PCM1: variants seen among roughly 807,000 people sequenced by gnomAD.
PCM1 encodes the protein pericentriolar material 1 protein.
Under a neutral mutation model 241.9 loss-of-function variants are expected in PCM1, and 157 were observed. The ratio of observed to expected loss-of-function variants is 0.65; its 90% CI spans 0.57 to 0.74. The LOEUF (loss-of-function observed/expected upper bound fraction) is 0.74. PCM1 is among the 30% of genes least tolerant of loss of function. The pLI is 0.00. For synonymous variants in PCM1, 1,085 were observed against 784.9 expected, an observed-to-expected ratio of 1.38 and a Z score of -6.39; for missense variants, 3,478 against 2,360.1, an observed-to-expected ratio of 1.47 and a Z score of -9.81.
intron 23 of PCM1, among the ~76,000 whole-genome samples, chr8:17,975,137 G>T (rs1253346072): frequency 6.6e-6 from 1 of 152,114 alleles, no homozygotes; most frequent in African/African-American, 2.4e-5. Context: ...GTACGTGAAA[G>T]TCTGAAAAGT....
intron 6 of PCM1, among the ~76,000 whole-genome samples, chr8:17,944,109 T>C (rs2063053827): frequency 1.3e-5 from 2 of 152,212 alleles, no homozygotes; most frequent in Admixed American, 1.3e-4. Flanking sequence ...TTAAAATTTA[T>C]AAGCTTTCTT....
Position 17,989,855 on chromosome 8 carries a change from T to C in PCM1, c.4411-4T>C. 6.5e-7 allele frequency: 1 copy of C among 1,527,980 alleles called. No homozygotes were observed. The highest frequency in any genetic ancestry group is 8.8e-7 in the Non-Finnish European group (1 of 1,130,678). 94.7% of individuals were successfully genotyped at this position (1,527,980 alleles called of 1,614,324 possible). On this transcript the variant is annotated splice_polypyrimidine_tract_variant and splice_region_variant and intron_variant, in intron 26 of 38. Coordinates refer to ENST00000325083, the MANE Select transcript of PCM1 (RefSeq NM_006197.4). ...TGATTTTTGTTTGTTTTACTGTAAC[T>C]TAGGAAACTTTTGAGAAGAACTTTG...
chr8:17,933,050 A>T (rs2059487128), intron 2 of PCM1, among the ~76,000 whole-genome samples: 1 of 152,096 alleles, frequency 6.6e-6, no homozygotes, highest in Non-Finnish European at 1.5e-5. Flanking sequence ...CTTAAGGAAG[A>T]CTGTTAAAGC....
Position 17,966,364 on chromosome 8 carries a change from C to T in PCM1, c.3112C>T (p.Pro1038Ser), listed in dbSNP as rs2074895445. 6.2e-7 allele frequency: 1 copy of T among 1,613,758 alleles called. No individual in the cohort carries two copies. Among genetic ancestry groups the T allele is most frequent in the Admixed American group, 1.7e-5 (1 of 60,026 alleles). ...TCTGCTACAAACTCTTCTCACGGGT[C>T]CTTACAGTGTTATGCCCAGCAATGT... is the stretch of plus-strand genomic sequence containing the variant. ...SCLLQTLLTG[P>S]YSVMPSNVAS... Residue 1038 changes from proline (P) to serine (S), a missense_variant, in exon 20 of 39, where the codon CCT (proline) becomes TCT (serine). Transcript: ENST00000325083.
At chr8:18,004,729 C>T (rs762824952) in intron 29 of PCM1, among the ~76,000 whole-genome samples, 19 of 152,200 alleles carry the variant, frequency 1.2e-4, no homozygotes, top group Non-Finnish European at 2.5e-4. Context: ...TTTATGTCAT[C>T]ACTAGTGAGT....
intron 36 of PCM1, among the ~76,000 whole-genome samples, chr8:18,018,865 T>TATATACACATATACATATAC (rs1564427251): frequency 3.0e-5 from 2 of 65,984 alleles, no homozygotes; most frequent in African/African-American, 1.2e-4. Context: ...TATATATATA[T>TATATACACATATACATATAC]ATATATATAT....
Position 17,948,558 on chromosome 8 carries a change from C to T in PCM1, c.961+1195C>T, listed in dbSNP as rs1036084335. 2.8e-4 allele frequency among the ~76,000 whole-genome samples: 42 copies of T among 152,032 alleles called. 1 individual carries two copies. Among genetic ancestry groups the T allele is most frequent in the Admixed American group, 6.5e-5 (1 of 15,270 alleles). ...GACCTTGTGATCTGCCCGCCTTGGC[C>T]TCCCAAAGTGCTGGGATTACAGGCG... On this transcript the variant is annotated intron_variant, in intron 7 of 38. Coordinates refer to ENST00000325083, the MANE Select transcript of PCM1 (RefSeq NM_006197.4).
At chr8:17,946,113 T>C (rs208769) in intron 6 of PCM1, among the ~76,000 whole-genome samples, 3,385 of 152,298 alleles carry the variant, frequency 0.022, 95 homozygotes, top group Admixed American at 0.083. Context: ...ACATTTTGAA[T>C]AGTTTTAAGA....
rs751230379 is a variant in PCM1 at position 18,014,012 on chromosome 8, T to C, written c.5560T>C (p.Leu1854=). 5 of 1,601,812 alleles carry C rather than the reference T, an allele frequency of 3.1e-6. No homozygotes were observed. Among genetic ancestry groups the C allele is most frequent in the South Asian group, 1.1e-5 (1 of 88,504 alleles). ...GACAGCAGAAAGCAAAAATGTCCCATTGGAACGAGAAGCCACTAGTAAAAG... is the reference window on the plus strand; with the variant it reads ...GACAGCAGAAAGCAAAAATGTCCCACTGGAACGAGAAGCCACTAGTAAAAG... ...KKTAESKNVP[L]EREATSKNDQ... is the part of the protein sequence containing the mutation. The change falls in exon 35 of 39, where the codon TTG becomes CTG. Residue 1854 remains leucine, a synonymous_variant. Transcript: ENST00000325083.
At chr8:17,942,274 C>T (rs1258858641) in intron 6 of PCM1, among the ~76,000 whole-genome samples, 1 of 152,042 alleles carries the variant, frequency 6.6e-6, no homozygotes, top group Non-Finnish European at 1.5e-5. Context: ...TGGGACCATC[C>T]TGGCCAACAT....
chr8:18,013,648 T>C (rs1564387373), intron 34 of PCM1, among the ~76,000 whole-genome samples: 4 of 152,180 alleles, frequency 2.6e-5, no homozygotes, highest in Non-Finnish European at 5.9e-5. Context: ...CATCTTCCTC[T>C]CGTCACTTCC....
Position 17,986,008 on chromosome 8 carries a change from TAA to T in PCM1, c.4333_4334del (p.Lys1445ValfsTer17). On this transcript the variant is annotated frameshift_variant, in exon 26 of 39. Transcript: ENST00000325083. LOFTEE classifies it high-confidence loss of function. ...GAGAGCCATGAAAAAGGAGAAAATG[TAA>T]AGTCAGTAAACTCTGGTACTTGGAT... The T allele has an allele frequency of 6.3e-7, 1 of 1,594,152 alleles. No individual in the cohort carries two copies. Among genetic ancestry groups the T allele is most frequent in the East Asian group, 2.2e-5 (1 of 44,522 alleles).
In PCM1 at chr8:17,967,074, C is replaced by T. The variant is rs777359424; in HGVS notation, c.3316C>T (p.Pro1106Ser). ...AAGAGGCAGTAGTGCATCGCACCCT[C>T]CTTCTCCCAGTTTATTTTGTCCTTT... ...KERGSSASHP[P>S]SPSLFCPFSF... The change falls in exon 21 of 39, where the codon CCT becomes TCT. Residue 1106 changes from proline (P) to serine (S), a missense_variant. By Grantham distance (74) the Pro-to-Ser change is moderately conservative. Transcript: ENST00000325083. The T allele has an allele frequency of 3.3e-5, 53 of 1,609,276 alleles. No individual in the cohort carries two copies. The East Asian group carries it at 1.0e-3, about 31-fold the overall frequency.
intron 3 of PCM1, among the ~76,000 whole-genome samples, chr8:17,936,403 G>T (rs187316989): frequency 1.1e-4 from 16 of 152,254 alleles, no homozygotes; most frequent in Admixed American, 3.3e-4. Context: ...GAATTTTCCA[G>T]TTGGATAAAG....
chr8:17,939,099 A>C, intron 5 of PCM1, 90 bp downstream of exon 5: 2 of 1,288,792 alleles, frequency 1.6e-6, no homozygotes, highest in South Asian at 2.9e-5. Context: ...GCACACAGGA[A>C]TTTTAGTTGG....
intron 29 of PCM1, among the ~76,000 whole-genome samples, chr8:18,005,352 TTGTTG>T (rs752914929): frequency 8.6e-6 from 1 of 115,696 alleles, no homozygotes; most frequent in Non-Finnish European, 2.1e-5. Flanking sequence ...TGTGTTGTTG[TTGTTG>T]TTTTTTTTTT....
At chr8:17,942,144 A>C (rs967019695) in intron 6 of PCM1, among the ~76,000 whole-genome samples, 1 of 152,128 alleles carries the variant, frequency 6.6e-6, no homozygotes, top group Admixed American at 6.5e-5. Context: ...TTAAACCTTG[A>C]CCATCAGTCA....
Position 17,963,189 on chromosome 8 carries a change from A to G in PCM1, c.2552A>G (p.Gln851Arg), listed in dbSNP as rs768777735. 5 of 1,613,764 alleles carry G rather than the reference A, an allele frequency of 3.1e-6. No homozygotes were observed. The highest frequency in any genetic ancestry group is 4.2e-6 in the Non-Finnish European group (5 of 1,179,702). ...KQLEALMAEH[Q>R]RRQGLAETAS... ...CTTGAAGCTCTGATGGCTGAACATC[A>G]GAGGAGGCAAGGTCTAGCTGAAACT... Residue 851 changes from glutamine (Q) to arginine (R), a missense_variant, in exon 17 of 39, where the codon CAG (glutamine) becomes CGG (arginine). Gln to Arg is a conservative substitution (Grantham distance 43, BLOSUM62 1). Coordinates refer to ENST00000325083, the MANE Select transcript of PCM1 (RefSeq NM_006197.4).
chr8:17,987,284 T>A (rs2082927280), intron 26 of PCM1, among the ~76,000 whole-genome samples: 1 of 151,808 alleles, frequency 6.6e-6, no homozygotes, highest in Non-Finnish European at 1.5e-5. Flanking sequence ...GATGTTAAAT[T>A]ATATTAAGGT....
Sources: gnomAD v4.1 joint callset for allele counts (sites outside exome capture counted in the v4.1 genomes callset) on GRCh38, gnomAD v4.1.1 for gene constraint, MANE v1.5 for transcripts, NCBI Gene and HGNC (gene_info 2026-07-23, HGNC 2026-07-21) for gene names.